Variants in TTC7B observed in about 807,000 individuals in gnomAD.
TTC7B encodes the protein tetratricopeptide repeat domain 7B, also known as tetratricopeptide repeat protein 7B.
TTC7B carries 28 observed loss-of-function variants against 106.8 expected under a neutral mutation model. The ratio of observed to expected loss-of-function variants is 0.26; its 90% confidence interval spans 0.19 to 0.36. The LOEUF (loss-of-function observed/expected upper bound fraction) is 0.36. Ranked by LOEUF, TTC7B falls within the 10% of genes least tolerant of loss-of-function variation. The pLI, the probability that TTC7B is intolerant of heterozygous loss-of-function variation, is 1.00. For synonymous variants in TTC7B, 405 were observed against 430.6 expected (o/e 0.94, Z 0.74); for missense variants, 862 against 1,076.4 (o/e 0.80, Z 2.79).
chr14:90,788,329 C>A (rs2140043090), intron 1 of TTC7B, among the ~76,000 whole-genome samples: 1 of 152,276 alleles, frequency 6.6e-6, no homozygotes, highest in Middle Eastern at 3.4e-3. Flanking sequence ...CCCAGACACA[C>A]AAGCCCTTCT....
chr14:90,801,101 T>G (rs1183888350), intron 1 of TTC7B, among the ~76,000 whole-genome samples: 2 of 151,112 alleles, frequency 1.3e-5, no homozygotes, highest in Non-Finnish European at 2.9e-5. Context: ...GGTGGACGCC[T>G]GTAGTCCAAG....
At chr14:90,580,200 G>C (rs1269886790) in intron 18 of TTC7B, among the ~76,000 whole-genome samples, 1 of 150,506 alleles carries the variant, frequency 6.6e-6, no homozygotes, top group Non-Finnish European at 1.5e-5. Flanking sequence ...AACAGTGCCT[G>C]GCACATAGTC....
intron 3 of TTC7B, among the ~76,000 whole-genome samples, chr14:90,758,737 ACGTGTCCT>A (rs1282900876): frequency 2.6e-5 from 4 of 152,104 alleles, no homozygotes; most frequent in Non-Finnish European, 5.9e-5. Flanking sequence ...ACCAGGATCG[ACGTGTCCT>A]CCTTCAGTCC....
chr14:90,673,125 G>A (rs1027603420), intron 9 of TTC7B, among the ~76,000 whole-genome samples: 2 of 152,204 alleles, frequency 1.3e-5, no homozygotes, highest in Non-Finnish European at 2.9e-5. Flanking sequence ...AGAGATGGGT[G>A]AGGTGCCAGT....
chr14:90,605,013 C>T (rs1330368350), intron 17 of TTC7B, among the ~76,000 whole-genome samples: 1 of 152,190 alleles, frequency 6.6e-6, no homozygotes, highest in East Asian at 1.9e-4. Flanking sequence ...GCATTGGAAT[C>T]ATAGGGGAGC....
intron 3 of TTC7B, among the ~76,000 whole-genome samples, chr14:90,750,404 A>G (rs1055580870): frequency 1.3e-5 from 2 of 152,246 alleles, no homozygotes; most frequent in Non-Finnish European, 2.9e-5. Flanking sequence ...ACTAATGCTC[A>G]TGAAAATGAC....
rs991119358 is a variant in TTC7B, at chr14:90,663,646, C to T, written c.1153-5259G>A. 3.3e-5 allele frequency among the ~76,000 whole-genome samples: 5 copies of T among 152,218 alleles called. No individual in the cohort carries two copies. Among genetic ancestry groups the T allele is most frequent in the African/African-American group, 4.8e-5 (2 of 41,450 alleles). On this transcript the variant is annotated intron_variant, in intron 9 of 19. Transcript: ENST00000328459. The surrounding 1 kb of genome is among the most constrained non-coding windows in gnomAD (Gnocchi z 4.5). Reference sequence around the variant, plus strand: ...TTACATGAGTCCTGTGTTTCCTCTACAGGCAGCATCTCTCCCAGTTCCCTC... The same window carrying T: ...TTACATGAGTCCTGTGTTTCCTCTATAGGCAGCATCTCTCCCAGTTCCCTC...
At chr14:90,563,421 A>G (rs1890668142) in intron 19 of TTC7B, among the ~76,000 whole-genome samples, 1 of 152,252 alleles carries the variant, frequency 6.6e-6, no homozygotes, top group Admixed American at 6.5e-5. Context: ...AAACAAGTGC[A>G]TAACTTAATT....
At chr14:90,789,449 T>C (rs1461526145) in intron 1 of TTC7B, among the ~76,000 whole-genome samples, 1 of 151,986 alleles carries the variant, frequency 6.6e-6, no homozygotes, top group Non-Finnish European at 1.5e-5. Context: ...AAGGCAGGGC[T>C]CGGTGGCTCA....
chr14:90,690,974 C>T (rs765283652), intron 6 of TTC7B, among the ~76,000 whole-genome samples: 3 of 152,130 alleles, frequency 2.0e-5, no homozygotes, highest in Non-Finnish European at 4.4e-5. Flanking sequence ...AAATTAAATG[C>T]ACTCTGATCA....
chr14:90,800,998 C>T (rs545988801), intron 1 of TTC7B, among the ~76,000 whole-genome samples: 1 of 152,026 alleles, frequency 6.6e-6, no homozygotes, highest in Non-Finnish European at 1.5e-5. Flanking sequence ...CCAGGCTATA[C>T]GGTCCTTGAG....
chr14:90,732,260 T>C (rs1253924046), intron 4 of TTC7B, among the ~76,000 whole-genome samples: 1 of 152,204 alleles, frequency 6.6e-6, no homozygotes, highest in Non-Finnish European at 1.5e-5. Flanking sequence ...ATTTCTCAAC[T>C]ATGTCTGTGA....
intron 14 of TTC7B, chr14:90,645,224 T>C (rs1885385371): frequency 6.6e-6 from 1 of 152,244 alleles, no homozygotes. Flanking sequence ...AGGCTATGAC[T>C]TCTCTTTCCC....
intron 3 of TTC7B, among the ~76,000 whole-genome samples, chr14:90,770,766 C>T (rs1251695267): frequency 6.6e-6 from 1 of 152,154 alleles, no homozygotes; most frequent in Non-Finnish European, 1.5e-5. Context: ...ATTTTCTTCT[C>T]AAGTATGCAT....
At chr14:90,561,876 G>A (rs1448673408) in intron 19 of TTC7B, among the ~76,000 whole-genome samples, 1 of 152,186 alleles carries the variant, frequency 6.6e-6, no homozygotes, top group Non-Finnish European at 1.5e-5. Flanking sequence ...CCAAATGCTT[G>A]CTATAGCTGG....
intron 6 of TTC7B, among the ~76,000 whole-genome samples, chr14:90,690,394 A>T (rs543227068): frequency 7.9e-5 from 12 of 152,344 alleles, no homozygotes; most frequent in African/African-American, 2.6e-4. Context: ...GAAAACCCAG[A>T]AACATCTGGA....
chr14:90,747,923 T>C (rs1890020022), intron 3 of TTC7B, among the ~76,000 whole-genome samples: 1 of 152,228 alleles, frequency 6.6e-6, no homozygotes, highest in Non-Finnish European at 1.5e-5. Flanking sequence ...AATTGATTAG[T>C]GTTAGCATTT....
At chr14:90,632,399 G>A (rs1884739040) in intron 15 of TTC7B, among the ~76,000 whole-genome samples, 1 of 152,134 alleles carries the variant, frequency 6.6e-6, no homozygotes, top group Non-Finnish European at 1.5e-5. Flanking sequence ...GAGTATGTGT[G>A]TGTGTGCCCG....
rs565828904 is a variant in TTC7B, at chr14:90,724,887, A to G, written c.698+5188T>C. Among the ~76,000 whole-genome samples, 198 of 152,348 alleles carry G rather than the reference A, an allele frequency of 1.3e-3. 1 individual carries two copies. The highest frequency in any genetic ancestry group is 4.4e-3 in the African/African-American group (183 of 41,592). On this transcript the variant is annotated intron_variant, in intron 5 of 19. Transcript: ENST00000328459. ...ATGAATAAATGGGCCTGGAATCTTC[A>G]GCTCATTTAAAGTGATCTGGTGTTC...
Sources: allele counts gnomAD v4.1 joint callset (sites outside exome capture counted in the v4.1 genomes callset), GRCh38; gene constraint gnomAD v4.1.1; non-coding constraint Gnocchi (gnomAD v3.1); transcripts MANE v1.5; gene names NCBI Gene and HGNC (gene_info 2026-07-23, HGNC 2026-07-21).